The following RABGAP1L variants were observed in gnomAD, a reference collection of about 807,000 sequenced individuals.
RABGAP1L encodes RAB GTPase activating protein 1 like.
RABGAP1L carries 63 observed loss-of-function variants against 137.7 expected under a neutral mutation model. The ratio of observed to expected loss-of-function variants is 0.46; its 90% CI spans 0.37 to 0.56. RABGAP1L has a LOEUF of 0.56. RABGAP1L is among the 20% of genes least tolerant of loss of function. The probability of loss-of-function intolerance (pLI) is 0.00; values close to 1 mark genes in which losing one functional copy is unlikely to be tolerated. For missense variants in RABGAP1L, 1,095 were observed against 1,244.0 expected, an observed-to-expected ratio of 0.88 and a Z score of 1.80; for synonymous variants, 431 against 433.7, an observed-to-expected ratio of 0.99 and a Z score of 0.08.
chr1:174,362,295 C>A (rs748725408), intron 11 of RABGAP1L, among the ~76,000 whole-genome samples: 8 of 152,060 alleles, frequency 5.3e-5, no homozygotes, highest in Non-Finnish European at 1.2e-4. Context: ...TTGGGTATAC[C>A]CAGTAATGGG....
chr1:174,339,296 G>A (rs1222130150), intron 11 of RABGAP1L, among the ~76,000 whole-genome samples: 1 of 152,156 alleles, frequency 6.6e-6, no homozygotes, highest in Non-Finnish European at 1.5e-5. Context: ...TCTATGAAAG[G>A]AAATTTGTGA....
intron 1 of RABGAP1L, among the ~76,000 whole-genome samples, chr1:174,204,558 C>T (rs941956654): frequency 2.6e-5 from 4 of 152,070 alleles, no homozygotes; most frequent in African/African-American, 7.2e-5. Flanking sequence ...TCATAGATGG[C>T]TTATTATTTT....
At chr1:174,819,511 G>A (rs1219077860) in intron 19 of RABGAP1L, among the ~76,000 whole-genome samples, 2 of 152,130 alleles carry the variant, frequency 1.3e-5, no homozygotes, top group African/African-American at 4.8e-5. Context: ...TACTTACAGA[G>A]TGAGATAAAT....
chr1:174,877,560 A>C, intron 19 of RABGAP1L: 6 of 1,613,902 alleles, frequency 3.7e-6, no homozygotes, highest in Non-Finnish European at 5.1e-6. Context: ...TGCACGATGA[A>C]GACTTCCTCA....
intron 19 of RABGAP1L, among the ~76,000 whole-genome samples, chr1:174,844,160 C>G (rs1693801577): frequency 7.0e-6 from 1 of 142,916 alleles, no homozygotes; most frequent in Non-Finnish European, 1.5e-5. Context: ...AAAATTTTCT[C>G]CCATGTTGTA....
At chr1:174,798,392 C>T (rs2148817022) in intron 18 of RABGAP1L, among the ~76,000 whole-genome samples, 1 of 149,464 alleles carries the variant, frequency 6.7e-6, no homozygotes, top group East Asian at 2.0e-4. Flanking sequence ...GACAGAGCGA[C>T]AATCCGTTTC....
intron 19 of RABGAP1L, among the ~76,000 whole-genome samples, chr1:174,933,352 A>G (rs1664183106): frequency 6.6e-6 from 1 of 152,010 alleles, no homozygotes; most frequent in Non-Finnish European, 1.5e-5. Context: ...CCTTTCTGAC[A>G]TTCTGCTTGG....
intron 15 of RABGAP1L, among the ~76,000 whole-genome samples, chr1:174,689,963 C>G (rs1678759351): frequency 6.6e-6 from 1 of 152,190 alleles, no homozygotes; most frequent in Non-Finnish European, 1.5e-5. Flanking sequence ...TCCTATACTT[C>G]CAAATCACTT....
intron 18 of RABGAP1L, among the ~76,000 whole-genome samples, chr1:174,786,200 T>A (rs1051933415): frequency 8.5e-5 from 13 of 152,250 alleles, no homozygotes; most frequent in African/African-American, 3.1e-4. Context: ...TCTAAGTATC[T>A]GCCCTTTTGA....
intron 12 of RABGAP1L, among the ~76,000 whole-genome samples, chr1:174,373,403 T>C (rs1346187049): frequency 6.6e-6 from 1 of 152,168 alleles, no homozygotes; most frequent in African/African-American, 2.4e-5. Context: ...AGGAAACAGC[T>C]ATGGCCTATG....
At chr1:174,180,403 T>G (rs724888) in intron 1 of RABGAP1L, among the ~76,000 whole-genome samples, 44,815 of 152,116 alleles carry the variant, frequency 0.29, 7,022 homozygotes, top group African/African-American at 0.37. Flanking sequence ...ATCATGACAA[T>G]TGGAAACTTG....
chr1:174,228,022 AT>A (rs1171183085), intron 3 of RABGAP1L, among the ~76,000 whole-genome samples: 1 of 152,044 alleles, frequency 6.6e-6, no homozygotes, highest in Non-Finnish European at 1.5e-5. Flanking sequence ...CTGCTGTTAT[AT>A]TCACCTGGGG....
At chr1:174,345,165 A>G (rs1007355384) in intron 11 of RABGAP1L, among the ~76,000 whole-genome samples, 1 of 151,914 alleles carries the variant, frequency 6.6e-6, no homozygotes, top group African/African-American at 2.4e-5. Context: ...TTTAATGCCA[A>G]CCCCATGCTG....
intron 17 of RABGAP1L, among the ~76,000 whole-genome samples, chr1:174,750,206 C>T (rs753876698): frequency 7.9e-5 from 12 of 152,092 alleles, no homozygotes; most frequent in Admixed American, 1.3e-4. Flanking sequence ...CTTAGAATCA[C>T]GTTGGAATTT....
At chr1:174,908,806 A>C (rs1329769664) in intron 19 of RABGAP1L, among the ~76,000 whole-genome samples, 1 of 150,140 alleles carries the variant, frequency 6.7e-6, no homozygotes, top group Non-Finnish European at 1.5e-5. Context: ...GGCCTCCCCA[A>C]GTGCTGGGAT....
intron 10 of RABGAP1L, among the ~76,000 whole-genome samples, chr1:174,299,063 C>T (rs1005508217): frequency 2.6e-5 from 4 of 152,188 alleles, no homozygotes; most frequent in African/African-American, 4.8e-5. Context: ...AAAAACAAAT[C>T]GTCATAGGAC....
At chr1:174,452,009 T>C (rs1033876546) in intron 13 of RABGAP1L, among the ~76,000 whole-genome samples, 2 of 152,204 alleles carry the variant, frequency 1.3e-5, no homozygotes, top group African/African-American at 4.8e-5. Flanking sequence ...TCTGAGTTTA[T>C]TTATTTACTA....
intron 12 of RABGAP1L, among the ~76,000 whole-genome samples, chr1:174,384,415 T>C (rs1686557459): frequency 6.6e-6 from 1 of 151,686 alleles, no homozygotes; most frequent in African/African-American, 2.4e-5. Flanking sequence ...TTTTACTCTG[T>C]ATAAATTGTG....
chr1:174,755,074 T>A (rs1319644501), intron 18 of RABGAP1L, among the ~76,000 whole-genome samples: 2 of 152,222 alleles, frequency 1.3e-5, no homozygotes, highest in Non-Finnish European at 2.9e-5. Context: ...AAGCTCAAGA[T>A]CACCTTAAGA....
Sources: allele counts gnomAD v4.1 joint callset (sites outside exome capture counted in the v4.1 genomes callset), GRCh38; gene constraint gnomAD v4.1.1; transcripts MANE v1.5; gene names NCBI Gene and HGNC (gene_info 2026-07-23, HGNC 2026-07-21).